DISC1: variants seen among roughly 807,000 people sequenced by gnomAD.
DISC1 encodes the protein disrupted in schizophrenia 1 protein.
Under a neutral mutation model 84.5 loss-of-function variants are expected in DISC1, and 57 were observed. The observed-to-expected ratio is 0.67, with a 90% confidence interval of 0.55 to 0.84. DISC1 has a LOEUF of 0.84. Among genes scored for constraint, DISC1 ranks in the 40% least tolerant of loss-of-function variants. The pLI is 0.00. For missense variants in DISC1, 1,000 were observed against 1,057.8 expected, an observed-to-expected ratio of 0.95 and a Z score of 0.76; for synonymous variants, 411 against 415.2, an observed-to-expected ratio of 0.99 and a Z score of 0.12.
At chr1:231,785,010 T>G (rs1462375428) in intron 6 of DISC1, among the ~76,000 whole-genome samples, 2 of 152,182 alleles carry the variant, frequency 1.3e-5, no homozygotes, top group African/African-American at 4.8e-5. Flanking sequence ...TCATGGCGTT[T>G]GTGCCTCTGT....
intron 1 of DISC1, among the ~76,000 whole-genome samples, chr1:231,640,666 C>T (rs2059566008): frequency 6.6e-6 from 1 of 151,922 alleles, no homozygotes. Context: ...GTAGCTGGGA[C>T]TATAGGAGTG....
intron 9 of DISC1, chr1:231,940,852 A>C (rs192431938): frequency 6.6e-5 from 10 of 152,370 alleles, no homozygotes; most frequent in African/African-American, 2.2e-4. Context: ...TCTTGATTGC[A>C]ATGAGAGGCT....
intron 9 of DISC1, chr1:231,854,853 AT>A: frequency 2.7e-6 from 1 of 370,856 alleles, no homozygotes; most frequent in Non-Finnish European, 5.5e-6. Context: ...AGTAGCTGGG[AT>A]TACAGGTGCC....
chr1:231,953,275 T>C (rs749227923), intron 9 of DISC1, among the ~76,000 whole-genome samples: 2 of 152,114 alleles, frequency 1.3e-5, no homozygotes, highest in Non-Finnish European at 2.9e-5. Context: ...CTCTCTAGGT[T>C]TTAGGGGTTC....
chr1:231,838,365 T>C (rs12135837), intron 9 of DISC1, among the ~76,000 whole-genome samples: 7,480 of 152,280 alleles, frequency 0.049, 205 homozygotes, highest in Middle Eastern at 0.075. Context: ...CTCAAGGAAC[T>C]TTCCAGGCAA....
At chr1:231,995,489 C>A (rs939652939) in intron 10 of DISC1, among the ~76,000 whole-genome samples, 6 of 151,874 alleles carry the variant, frequency 4.0e-5, no homozygotes, top group Admixed American at 1.3e-4. Context: ...ATCCCTCCCC[C>A]CTATCCCCAC....
intron 3 of DISC1, among the ~76,000 whole-genome samples, chr1:231,720,113 G>GC (rs1411234018): frequency 6.6e-6 from 1 of 152,128 alleles, no homozygotes; most frequent in African/African-American, 2.4e-5. Flanking sequence ...ACCCAAGGGT[G>GC]CCTTAGGGAT....
chr1:231,800,085 C>G, intron 7 of DISC1, 23 bp from the exon 8 acceptor site: 1 of 1,568,300 alleles, frequency 6.4e-7, no homozygotes, highest in African/African-American at 1.4e-5. Context: ...AATGATGATT[C>G]CTGGTCATTT....
chr1:231,757,518 A>G (rs1470552703), intron 4 of DISC1, among the ~76,000 whole-genome samples: 2 of 152,126 alleles, frequency 1.3e-5, no homozygotes, highest in African/African-American at 4.8e-5. Context: ...ACCCTGGGTT[A>G]TGTTCAGATC....
At chr1:231,805,529 T>C (rs1365245679) in intron 8 of DISC1, among the ~76,000 whole-genome samples, 1 of 152,122 alleles carries the variant, frequency 6.6e-6, no homozygotes, top group East Asian at 1.9e-4. Flanking sequence ...TAGCCGGACC[T>C]TGTGATAACT....
Position 231,897,467 on chromosome 1 carries a change from G to A in DISC1, c.1982-61361G>A, listed in dbSNP as rs1481357743. ...TTTCAGTTATCATTTATGGAACAAG[G>A]CCAAAATATTTCTTTCACACATACA... is the stretch of plus-strand genomic sequence containing the variant. On this transcript the variant is annotated intron_variant, in intron 9 of 12. Coordinates refer to ENST00000439617, the MANE Select transcript of DISC1 (RefSeq NM_018662.3). The surrounding 1 kb of genome is among the most constrained non-coding windows in gnomAD (Gnocchi z 4.5). 5.3e-5 allele frequency among the ~76,000 whole-genome samples: 8 copies of A among 152,184 alleles called. No homozygotes were observed. The South Asian group carries it at 8.3e-4, about 16-fold the overall frequency.
chr1:231,817,107 T>C (rs1558599184), intron 8 of DISC1, among the ~76,000 whole-genome samples: 1 of 152,236 alleles, frequency 6.6e-6, no homozygotes, highest in East Asian at 1.9e-4. Context: ...TGTTTAGATA[T>C]GAAGTCTCAC....
chr1:231,973,675 A>G (rs1344411662), intron 10 of DISC1, among the ~76,000 whole-genome samples: 2 of 152,204 alleles, frequency 1.3e-5, no homozygotes, highest in South Asian at 2.1e-4. Context: ...GATCACATGC[A>G]TTTTTCCTAG....
rs111325339 is a variant in DISC1 at position 231,649,560 on chromosome 1, A to G, written c.67+22626A>G. On this transcript the variant is annotated intron_variant, in intron 1 of 12. Coordinates refer to ENST00000439617, the MANE Select transcript of DISC1 (RefSeq NM_018662.3). ...TGATTTGGGGTGGAGAGTTCTGTAG[A>G]TGTCTATTAGGTCTGCTTGGTGCAG... 1.5e-3 allele frequency among the ~76,000 whole-genome samples: 221 copies of G among 152,316 alleles called. 4 individuals are homozygous for G. The highest frequency in any genetic ancestry group is 5.0e-3 in the African/African-American group (208 of 41,572).
chr1:231,792,880 C>T (rs538766152), intron 6 of DISC1, among the ~76,000 whole-genome samples: 5 of 152,328 alleles, frequency 3.3e-5, no homozygotes, highest in East Asian at 1.9e-4. Context: ...ACTGAGTACA[C>T]GAATTTTTGT....
intron 1 of DISC1, among the ~76,000 whole-genome samples, chr1:231,670,399 G>T (rs2062491185): frequency 6.6e-6 from 1 of 152,178 alleles, no homozygotes; most frequent in African/African-American, 2.4e-5. Context: ...TGTGCAACAG[G>T]TGGTACATGT....
In DISC1 at chr1:232,009,135, T is replaced by C. The variant is rs1466203380; in HGVS notation, c.2307+86T>C. On this transcript the variant is annotated intron_variant, in intron 11 of 12. Transcript: ENST00000439617. This position sits in a 1 kb window ranked among gnomAD's most constrained non-coding sequence, Gnocchi z 4.6. ...ATGCTCCAAATGGGAACAATAAATA[T>C]TGGGAAGGCTTCCCATTGAGCATAT... 1.3e-6 allele frequency: 2 copies of C among 1,585,962 alleles called. No homozygotes were observed. Among genetic ancestry groups the C allele is most frequent in the African/African-American group, 2.7e-5 (2 of 74,426 alleles).
At chr1:231,676,824 C>T (rs1376711232) in intron 1 of DISC1, among the ~76,000 whole-genome samples, 2 of 152,166 alleles carry the variant, frequency 1.3e-5, no homozygotes, top group Non-Finnish European at 2.9e-5. Context: ...TAGAGAAAAA[C>T]AGACTTTTAT....
intron 1 of DISC1, among the ~76,000 whole-genome samples, chr1:231,642,381 C>T (rs2059794817): frequency 6.6e-6 from 1 of 152,180 alleles, no homozygotes; most frequent in African/African-American, 2.4e-5. Context: ...GGAAGGGCTC[C>T]TCAAGTGCCG....
Sources: allele counts gnomAD v4.1 joint callset (sites outside exome capture counted in the v4.1 genomes callset), GRCh38; gene constraint gnomAD v4.1.1; non-coding constraint Gnocchi (gnomAD v3.1); transcripts MANE v1.5; gene names NCBI Gene and HGNC (gene_info 2026-07-23, HGNC 2026-07-21).